HAUS5: variants seen among roughly 807,000 people sequenced by gnomAD.
HAUS5 encodes the protein HAUS augmin-like complex subunit 5.
HAUS5 carries 67 observed loss-of-function variants against 94.1 expected under a neutral mutation model. The ratio of observed to expected loss-of-function variants is 0.71; its 90% CI spans 0.58 to 0.87. The LOEUF is 0.87. Among genes scored for constraint, HAUS5 ranks in the 40% least tolerant of loss-of-function variants. HAUS5 has a pLI of 0.00. For missense variants in HAUS5, 739 were observed against 825.6 expected (o/e 0.90, Z 1.29); for synonymous variants, 339 against 355.4 (o/e 0.95, Z 0.52).
In HAUS5 at chr19:35,623,052, C is replaced by T. The variant is rs769617280; in HGVS notation, c.*59C>T. Reference sequence around the variant, plus strand: ...ACTGTTCACCCCAACACCTCACCTCCCCCAGGACATTTGGAAGAAAGCAGC... The same window carrying T: ...ACTGTTCACCCCAACACCTCACCTCTCCCAGGACATTTGGAAGAAAGCAGC... On this transcript the variant is annotated 3_prime_UTR_variant, in exon 19 of 19. Coordinates refer to ENST00000203166, the MANE Select transcript of HAUS5 (RefSeq NM_015302.2). The T allele has an allele frequency of 8.9e-7, 1 of 1,124,686 alleles. No individual in the cohort carries two copies. The highest frequency in any genetic ancestry group is 1.3e-6 in the Non-Finnish European group (1 of 763,424). The allele number at this position is 1,124,686 out of a possible 1,614,324, so 69.7% of individuals were successfully genotyped here.
At chr19:35,613,646 A>T in intron 1 of HAUS5, 84 bp from the exon 2 acceptor site, 1 of 1,259,620 alleles carries the variant, frequency 7.9e-7, no homozygotes, top group Non-Finnish European at 1.1e-6. Context: ...CCTAGTAAAA[A>T]CTCCCTACCA....
At position 35,620,332 on chromosome 19, in the gene HAUS5, G is replaced by A. The variant is rs371413708; in HGVS notation, c.1651+5G>A. On this transcript the variant is annotated splice_donor_5th_base_variant and intron_variant, in intron 17 of 18. Coordinates refer to ENST00000203166, the MANE Select transcript of HAUS5 (RefSeq NM_015302.2). ...CGCCAGGCCTTCCCACCCAGGGTAG[G>A]TCTGCCCTGCCACCCCATCCAGCCT... The A allele has an allele frequency of 3.7e-5, 60 of 1,610,650 alleles. No individual in the cohort carries two copies. The highest frequency in any genetic ancestry group is 4.5e-5 in the Non-Finnish European group (53 of 1,178,656).
At position 35,618,582 on chromosome 19, in the gene HAUS5, C is replaced by T; in HGVS notation, c.899C>T (p.Thr300Ile). The part of the protein sequence containing the change: ...MVHLIQEGWR[T>I]VGVLVSQRST... ...CCCCGCTTGCAGGAGGGCTGGCGGA[C>T]TGTGGGTGTGCTGGTCTCCCAGCGG... is the stretch of plus-strand genomic sequence containing the variant. The change falls in exon 12 of 19, where the codon ACT (threonine) becomes ATT (isoleucine). Residue 300 changes from threonine to isoleucine, a missense_variant. Thr to Ile is a moderately conservative substitution (Grantham distance 89). Transcript: ENST00000203166. 6.2e-7 allele frequency: 1 copy of T among 1,604,742 alleles called. No individual in the cohort carries two copies. Among genetic ancestry groups the T allele is most frequent in the Non-Finnish European group, 8.5e-7 (1 of 1,173,248 alleles).
rs138930954 is a variant in HAUS5, at chr19:35,617,424, G to T, written c.638+55G>T. The T allele has an allele frequency of 1.5e-4, 181 of 1,181,880 alleles. 1 individual carries two copies. The East Asian group carries it at 3.8e-3, about 25-fold the overall frequency. 73.2% of individuals were successfully genotyped at this position (1,181,880 alleles called of 1,614,324 possible). A position where few individuals can be genotyped will look rare whatever the true frequency, so the allele number is the denominator to read the frequency against. On this transcript the variant is annotated intron_variant, in intron 8 of 18. Coordinates refer to ENST00000203166, the MANE Select transcript of HAUS5 (RefSeq NM_015302.2). ...TAAAGACCCTGGGTTTTAAGTGGGG[G>T]TCTCTTATTTATTAATTCCTCAGAC... is the stretch of plus-strand genomic sequence containing the variant.
intron 6 of HAUS5, among the ~76,000 whole-genome samples, 169 bp from the exon 7 acceptor site, chr19:35,616,955 G>A (rs781012481): frequency 2.6e-5 from 4 of 152,208 alleles, no homozygotes; most frequent in Non-Finnish European, 4.4e-5. Context: ...GCAGTGGGGA[G>A]GCTAATGCAA....
intron 4 of HAUS5, 47 bp from the exon 5 acceptor site, chr19:35,614,995 G>A (rs998361266): frequency 2.8e-6 from 4 of 1,441,536 alleles, no homozygotes; most frequent in Admixed American, 2.0e-5. Context: ...AGACAGGCCA[G>A]GCTGAGCCCC....
chr19:35,616,137 T>C (rs2071940853), intron 6 of HAUS5, among the ~76,000 whole-genome samples: 3 of 152,012 alleles, frequency 2.0e-5, no homozygotes, highest in Admixed American at 2.0e-4. Context: ...GCCAACATAG[T>C]GAAACCCCGT....
At chr19:35,619,119 G>C (rs747658064) in intron 13 of HAUS5, 70 bp downstream of exon 13, 3 of 1,434,396 alleles carry the variant, frequency 2.1e-6, no homozygotes, top group Non-Finnish European at 2.8e-6. Context: ...TAAGAACTGG[G>C]CCTGAGCCCT....
rs200591507 is a variant in HAUS5, at chr19:35,613,990, C to G, written c.195-45C>G. 1.5e-4 allele frequency: 243 copies of G among 1,612,266 alleles called. 1 individual carries two copies. The highest frequency in any genetic ancestry group is 4.3e-4 in the South Asian group (39 of 91,054). Reference sequence around the variant, plus strand: ...CAGCATCACACCTATTGCCCTCCCCCCTAGAAGCCCCACTCATCCGCTGAC... The same window carrying G: ...CAGCATCACACCTATTGCCCTCCCCGCTAGAAGCCCCACTCATCCGCTGAC... On this transcript the variant is annotated intron_variant, in intron 3 of 18. Coordinates refer to ENST00000203166, the MANE Select transcript of HAUS5 (RefSeq NM_015302.2).
In HAUS5 at chr19:35,617,179, G is replaced by A; in HGVS notation, c.541G>A (p.Glu181Lys). 6.2e-7 allele frequency: 1 copy of A among 1,614,040 alleles called. No individual in the cohort carries two copies. ...GSLTSAALGL[E>K]PVVLRDVRTA... Reference sequence around the variant, plus strand: ...CCTCACGTCGGCAGCTCTGGGCCTGGAGCCCGTGGTCCTGGTAAGAGTCCT... The same window carrying A: ...CCTCACGTCGGCAGCTCTGGGCCTGAAGCCCGTGGTCCTGGTAAGAGTCCT... The change falls in exon 7 of 19, where the codon GAG becomes AAG. Residue 181 changes from glutamate (E) to lysine (K), a missense_variant. Physicochemically the swap from Glu to Lys is moderately conservative, Grantham distance 56. Transcript: ENST00000203166.
Position 35,613,935 on chromosome 19 carries a change from C to T in HAUS5, c.194+35C>T, listed in dbSNP as rs565534019. The stretch of plus-strand genomic sequence containing the variant: ...TCTTAAAGCTATCCCCTCCTGTCTT[C>T]CCCACTCCCATTTAGCCCTGTCCCC... On this transcript the variant is annotated intron_variant, in intron 3 of 18. Transcript: ENST00000203166. The T allele has an allele frequency of 6.3e-5, 102 of 1,612,194 alleles. No homozygotes were observed. In the Admixed American group the frequency reaches 7.2e-4, roughly 11 times the overall value.
In HAUS5 at chr19:35,620,063, G is replaced by C; in HGVS notation, c.1458G>C (p.Ala486=). 6.2e-7 allele frequency: 1 copy of C among 1,613,222 alleles called. No individual in the cohort carries two copies. Among genetic ancestry groups the C allele is most frequent in the Non-Finnish European group, 8.5e-7 (1 of 1,179,766 alleles). The part of the protein sequence containing the change: ...VLPSIHQLHP[A]SPRGSSFIAL... ...CATCCATCCACCAGCTGCACCCCGCGTCCCCAAGGGGCTCCAGCTTCATAG... is the reference window on the plus strand; with the variant it reads ...CATCCATCCACCAGCTGCACCCCGCCTCCCCAAGGGGCTCCAGCTTCATAG... Residue 486 remains alanine (A), a synonymous_variant, in exon 16 of 19, where the codon GCG becomes GCC. Transcript: ENST00000203166.
At position 35,622,910 on chromosome 19, in the gene HAUS5, G is replaced by T; in HGVS notation, c.1819G>T (p.Glu607Ter). ...GCCAGGCCAGGCCGCCCTCTCTGAG[G>T]AGCTCTGCCAGGGCCTGTCCCTGCC... is the stretch of plus-strand genomic sequence containing the variant. ...EQPGQAALSE[E>*]LCQGLSLPQW... is the part of the protein sequence containing the mutation. The change falls in exon 19 of 19, where the codon GAG becomes TAG. Residue 607 changes from glutamate (E) to a stop codon, truncating the protein, a stop_gained. Coordinates refer to ENST00000203166, the MANE Select transcript of HAUS5 (RefSeq NM_015302.2). LOFTEE classifies it high-confidence loss of function. 1 of 1,614,058 alleles carries T rather than the reference G, an allele frequency of 6.2e-7. No individual in the cohort carries two copies. The highest frequency in any genetic ancestry group is 1.1e-5 in the South Asian group (1 of 91,068).
Position 35,620,252 on chromosome 19 carries a change from C to T in HAUS5, c.1576C>T (p.Gln526Ter), listed in dbSNP as rs750575803. The T allele has an allele frequency of 1.2e-6, 2 of 1,613,568 alleles. No homozygotes were observed. Among genetic ancestry groups the T allele is most frequent in the African/African-American group, 1.3e-5 (1 of 74,910 alleles). Residue 526 changes from glutamine (Q) to a stop codon, truncating the protein, a stop_gained, in exon 17 of 19, where the codon CAG becomes TAG. Coordinates refer to ENST00000203166, the MANE Select transcript of HAUS5 (RefSeq NM_015302.2). LOFTEE classifies it high-confidence loss of function. ...ASLRQDLLLL[Q>*]DQRSLWCWDL... ...TCTTCGCCAGGACCTTCTGCTCCTG[C>T]AGGACCAGCGGAGCCTCTGGTGCTG... is the stretch of plus-strand genomic sequence containing the variant.
rs200781781 is a variant in HAUS5 at position 35,617,281 on chromosome 19, C to G, written c.556-6C>G. 9.3e-6 allele frequency: 15 copies of G among 1,612,848 alleles called. No homozygotes were observed. The highest frequency in any genetic ancestry group is 1.3e-5 in the African/African-American group (1 of 74,886). On this transcript the variant is annotated splice_polypyrimidine_tract_variant and splice_region_variant and intron_variant, in intron 7 of 18. Coordinates refer to ENST00000203166, the MANE Select transcript of HAUS5 (RefSeq NM_015302.2). ...CCCTCAGGTCCCTTCCTCCTCTTCT[C>G]CCTAGCGTGATGTCCGAACAGCCTG... is the stretch of plus-strand genomic sequence containing the variant.
chr19:35,619,490 C>T lies in HAUS5; in HGVS notation c.1246C>T (p.Arg416Trp), dbSNP rs374067116. The change falls in exon 14 of 19, where the codon CGG becomes TGG. Residue 416 changes from arginine (R) to tryptophan (W), a missense_variant. Physicochemically the swap from Arg to Trp is moderately radical, Grantham distance 101 (BLOSUM62 -3). Coordinates refer to ENST00000203166, the MANE Select transcript of HAUS5 (RefSeq NM_015302.2). ...CTCGGCCAGCAAGACCCGCCTGTGCCGGAGCCCGGGGGAGGTGAGATGGGA... is the reference window on the plus strand; with the variant it reads ...CTCGGCCAGCAAGACCCGCCTGTGCTGGAGCCCGGGGGAGGTGAGATGGGA... The part of the protein sequence containing the change: ...GNSASKTRLC[R>W]SPGEVLALVQ... 15 of 1,609,990 alleles carry T rather than the reference C, an allele frequency of 9.3e-6. No individual in the cohort carries two copies. Among genetic ancestry groups the T allele is most frequent in the African/African-American group, 5.3e-5 (4 of 74,866 alleles).
intron 6 of HAUS5, among the ~76,000 whole-genome samples, chr19:35,615,863 A>C (rs2071938139): frequency 6.6e-6 from 1 of 152,248 alleles, no homozygotes; most frequent in South Asian, 2.1e-4. Flanking sequence ...TGTGCTCAGC[A>C]TGCAGGAAGA....
chr19:35,619,605 C>CAAA lies in HAUS5; in HGVS notation c.1261-8_1261-7insAAA. 1 of 768,886 alleles carries CAAA rather than the reference C, an allele frequency of 1.3e-6. No homozygotes were observed. Among genetic ancestry groups the CAAA allele is most frequent in the Non-Finnish European group, 2.0e-6 (1 of 489,500 alleles). The allele number at this position is 768,886 out of a possible 1,614,324, so 47.6% of individuals were successfully genotyped here. Reference sequence around the variant, plus strand: ...TGATGCCCCACCCACCCCTCCCCTTCCCCACAGGTGCTAGCTCTGGTCCAG... The same window carrying CAAA: ...TGATGCCCCACCCACCCCTCCCCTTCAAACCCACAGGTGCTAGCTCTGGTCCAG... On this transcript the variant is annotated splice_region_variant and splice_polypyrimidine_tract_variant and intron_variant, in intron 14 of 18. Transcript: ENST00000203166.
chr19:35,622,996 AGAGGGTTCAAACG>A lies in HAUS5; in HGVS notation c.*6_*18del, dbSNP rs1222531628. ...CCCTGCAGAAGCTGTGCAGCTGAAGAGAGGGTTCAAACGGAAGCCGAGAACTTGACACTGTTCA... is the reference window on the plus strand; with the variant it reads ...CCCTGCAGAAGCTGTGCAGCTGAAGAGAAGCCGAGAACTTGACACTGTTCA... On this transcript the variant is annotated 3_prime_UTR_variant, in exon 19 of 19. Transcript: ENST00000203166. 6.3e-6 allele frequency: 10 copies of A among 1,589,534 alleles called. No homozygotes were observed. The highest frequency in any genetic ancestry group is 1.3e-5 in the African/African-American group (1 of 74,294).
Sources: allele counts gnomAD v4.1 joint callset (sites outside exome capture counted in the v4.1 genomes callset), GRCh38; gene constraint gnomAD v4.1.1; transcripts MANE v1.5; gene names NCBI Gene and HGNC (gene_info 2026-07-23, HGNC 2026-07-21).